Variants in SMARCAD1 observed in about 807,000 individuals in gnomAD.
SMARCAD1 encodes SNF2 related chromatin remodeling ATPase with DExD box 1, also known as SWI/SNF-related matrix-associated actin-dependent regulator of chromatin subfamily A containing DEAD/H box 1.
In SMARCAD1, 25 loss-of-function variants were observed where a neutral mutation model predicts 127.1. That is an observed-to-expected ratio of 0.20 (90% CI 0.14 to 0.27). The LOEUF (loss-of-function observed/expected upper bound fraction) is 0.27. Among genes scored for constraint, SMARCAD1 ranks in the 10% least tolerant of loss-of-function variants. The probability of loss-of-function intolerance (pLI) is 1.00; values close to 1 mark genes in which losing one functional copy is unlikely to be tolerated. For missense variants in SMARCAD1, 807 were observed against 1,206.0 expected, an observed-to-expected ratio of 0.67 and a Z score of 4.90; for synonymous variants, 400 against 396.9, an observed-to-expected ratio of 1.01 and a Z score of -0.09.
At chr4:94,250,878 CTG>C in intron 8 of SMARCAD1, 45 bp downstream of exon 8, 1 of 1,432,772 alleles carries the variant, frequency 7.0e-7, no homozygotes. Flanking sequence ...TCATTATAGT[CTG>C]TATTTTAGTA....
chr4:94,283,102 T>A lies in SMARCAD1; in HGVS notation c.2727-19T>A. On this transcript the variant is annotated intron_variant, in intron 21 of 23. Transcript: ENST00000354268. ...TACAACTTTTTAGTGAGATTTAACCTAATTTGTTTATCTTACAGGATTCAT... is the reference window on the plus strand; with the variant it reads ...TACAACTTTTTAGTGAGATTTAACCAAATTTGTTTATCTTACAGGATTCAT... 1 of 1,598,030 alleles carries A rather than the reference T, an allele frequency of 6.3e-7. No individual in the cohort carries two copies. The highest frequency in any genetic ancestry group is 1.1e-5 in the South Asian group (1 of 90,380).
chr4:94,226,404 T>TC, intron 3 of SMARCAD1, 108 bp downstream of exon 3: 2 of 744,616 alleles, frequency 2.7e-6, no homozygotes, highest in Non-Finnish European at 2.1e-6. Flanking sequence ...TTTTTTTTCT[T>TC]TTTTTTTTTT....
intron 2 of SMARCAD1, among the ~76,000 whole-genome samples, chr4:94,216,002 A>G (rs1221998954): frequency 1.3e-5 from 2 of 152,312 alleles, no homozygotes; most frequent in Admixed American, 1.3e-4. Flanking sequence ...CGGGTAGCTT[A>G]TAAGCAATAG....
intron 14 of SMARCAD1, among the ~76,000 whole-genome samples, chr4:94,275,800 T>TA (rs1309423240): frequency 0.01 from 1,424 of 141,210 alleles, 55 homozygotes; most frequent in East Asian, 0.021. Context: ...CATTTTCTTT[T>TA]TTTTTTTTTT....
intron 23 of SMARCAD1, 92 bp from the exon 24 acceptor site, chr4:94,289,380 TA>T: frequency 8.6e-7 from 1 of 1,163,926 alleles, no homozygotes; most frequent in Non-Finnish European, 1.3e-6. Context: ...GAAAGATGAG[TA>T]AGAATTCACC....
intron 7 of SMARCAD1, 37 bp downstream of exon 7, chr4:94,249,792 CTAAG>C (rs1262525186): frequency 8.5e-7 from 1 of 1,171,476 alleles, no homozygotes; most frequent in Non-Finnish European, 1.3e-6. Context: ...TCAGTGTGTA[CTAAG>C]TGTTTTTATT....
chr4:94,253,221 A>G, intron 9 of SMARCAD1: 1 of 1,507,820 alleles, frequency 6.6e-7, no homozygotes, highest in East Asian at 2.6e-5. Flanking sequence ...TCCTGAAAAA[A>G]CCCAAGCTGA....
intron 3 of SMARCAD1, among the ~76,000 whole-genome samples, chr4:94,232,782 A>G (rs113735971): frequency 0.048 from 7,250 of 152,190 alleles, 459 homozygotes; most frequent in East Asian, 0.21. Flanking sequence ...CTGGCAGTAG[A>G]TAAAATCTCC....
chr4:94,282,178 C>A (rs1754178958), intron 21 of SMARCAD1, among the ~76,000 whole-genome samples: 1 of 64,748 alleles, frequency 1.5e-5, no homozygotes. Context: ...CGGCTCACTG[C>A]AAGCTCCGCC....
At chr4:94,248,388 G>A in intron 6 of SMARCAD1, 3 of 424,500 alleles carry the variant, frequency 7.1e-6, no homozygotes, top group South Asian at 3.3e-5. Flanking sequence ...TAGTGAAAAA[G>A]CAGTGGTCTA....
chr4:94,278,670 G>A lies in SMARCAD1; in HGVS notation c.2233G>A (p.Glu745Lys), dbSNP rs755795846. 2 of 1,613,932 alleles carry A rather than the reference G, an allele frequency of 1.2e-6. No individual in the cohort carries two copies. The highest frequency in any genetic ancestry group is 1.7e-6 in the Non-Finnish European group (2 of 1,179,970). Residue 745 changes from glutamate to lysine, a missense_variant, in exon 18 of 24, where the codon GAG becomes AAG. Around this residue, in one of 8 missense-constraint regions of SMARCAD1, gnomAD observed 148 missense variants for 313.2 expected, o/e 0.47. Coordinates refer to ENST00000354268, the MANE Select transcript of SMARCAD1 (RefSeq NM_020159.5). ...TCGAATTGAGTTGTGTGCAATGTCG[G>A]AGAAGCAGGAGCAACTCTATTTGGG... is the stretch of plus-strand genomic sequence containing the variant. ...KDRIELCAMS[E>K]KQEQLYLGLF...
Position 94,270,828 on chromosome 4 carries a change from CTTTA to C in SMARCAD1, c.1572+14_1572+17del. The stretch of plus-strand genomic sequence containing the variant: ...TTTGGCAGATGAAATGGTAAGTGTA[CTTTA>C]TTTCTAAGATTTGTTGTTGAAAGTG... On this transcript the variant is annotated intron_variant, in intron 11 of 23. Transcript: ENST00000354268. 2 of 1,606,790 alleles carry C rather than the reference CTTTA, an allele frequency of 1.2e-6. No individual in the cohort carries two copies. Among genetic ancestry groups the C allele is most frequent in the African/African-American group, 2.7e-5 (2 of 74,842 alleles).
chr4:94,289,391 CA>C, intron 23 of SMARCAD1, 81 bp from the exon 24 acceptor site: 1 of 1,293,050 alleles, frequency 7.7e-7, no homozygotes, highest in African/African-American at 1.5e-5. Context: ...AAGAATTCAC[CA>C]AAGAAAAAAA....
intron 6 of SMARCAD1, among the ~76,000 whole-genome samples, chr4:94,243,322 G>A (rs1274400129): frequency 6.6e-6 from 1 of 152,226 alleles, no homozygotes; most frequent in African/African-American, 2.4e-5. Flanking sequence ...GGTACCATGA[G>A]AGTCTGAGAC....
chr4:94,288,626 G>A (rs1220891702), intron 23 of SMARCAD1, among the ~76,000 whole-genome samples: 1 of 152,030 alleles, frequency 6.6e-6, no homozygotes, highest in Non-Finnish European at 1.5e-5. Flanking sequence ...CATAATTTTA[G>A]ATTATAGCTG....
At chr4:94,245,630 T>A (rs193084502) in intron 6 of SMARCAD1, among the ~76,000 whole-genome samples, 3 of 152,338 alleles carry the variant, frequency 2.0e-5, no homozygotes, top group Non-Finnish European at 4.4e-5. Flanking sequence ...TTTTTGCCAC[T>A]TTACAATAAC....
chr4:94,240,881 T>A (rs1238070008), intron 5 of SMARCAD1, 25 bp from the exon 6 acceptor site: 1 of 1,574,010 alleles, frequency 6.4e-7, no homozygotes, highest in Non-Finnish European at 8.7e-7. Context: ...GTGCAAAGTT[T>A]GAGTGTGCTG....
chr4:94,235,091 C>T (rs1746425445), intron 4 of SMARCAD1, among the ~76,000 whole-genome samples: 1 of 152,070 alleles, frequency 6.6e-6, no homozygotes, highest in African/African-American at 2.4e-5. Flanking sequence ...TGCCTAAAAT[C>T]ACCCATTTAA....
chr4:94,249,547 CTGAT>C (rs1748954118), intron 6 of SMARCAD1, 103 bp from the exon 7 acceptor site: 1 of 712,904 alleles, frequency 1.4e-6, no homozygotes. Flanking sequence ...ATTCTTCTGA[CTGAT>C]GATGATAATT....
Sources: gnomAD v4.1 joint callset for allele counts (sites outside exome capture counted in the v4.1 genomes callset) on GRCh38, gnomAD v4.1.1 for gene constraint, gnomAD v4.1.1 regional missense constraint, MANE v1.5 for transcripts, NCBI Gene and HGNC (gene_info 2026-07-23, HGNC 2026-07-21) for gene names.